The following UQCRC2 variants were observed in gnomAD, a reference collection of about 807,000 sequenced individuals.
UQCRC2 encodes the protein cytochrome b-c1 complex subunit 2, mitochondrial.
Under a neutral mutation model 55.6 loss-of-function variants are expected in UQCRC2, and 49 were observed. The ratio of observed to expected loss-of-function variants is 0.88; its 90% CI spans 0.70 to 1.12. UQCRC2 has a LOEUF of 1.12. Among genes scored for constraint, UQCRC2 ranks in the 50% most tolerant of loss-of-function variants. The probability of loss-of-function intolerance (pLI) is 0.00; values close to 1 mark genes in which losing one functional copy is unlikely to be tolerated. For synonymous variants in UQCRC2, 193 were observed against 192.0 expected (o/e 1.01, Z -0.04); for missense variants, 506 against 547.8 (o/e 0.92, Z 0.76).
intron 11 of UQCRC2, among the ~76,000 whole-genome samples, 197 bp downstream of exon 11, chr16:21,974,173 G>A (rs140058346): frequency 2.0e-5 from 3 of 152,316 alleles, no homozygotes; most frequent in East Asian, 3.9e-4. Flanking sequence ...CAGGAAAGAG[G>A]AGAGAATTGC....
chr16:21,955,903 G>C lies in UQCRC2; in HGVS notation c.34-1332G>C, dbSNP rs377064478. ...TGCAATGGCACAATCTCGGCTCACT[G>C]CAACCTCCGCCTCCCGGATTCAAGT... is the stretch of plus-strand genomic sequence containing the variant. On this transcript the variant is annotated intron_variant, in intron 1 of 13. Transcript: ENST00000268379. Among the ~76,000 whole-genome samples the C allele has an allele frequency of 2.0e-3, 299 of 152,118 alleles. 1 individual carries two copies. The highest frequency in any genetic ancestry group is 6.8e-3 in the Middle Eastern group (2 of 294).
chr16:21,972,078 C>T lies in UQCRC2; in HGVS notation c.922C>T (p.His308Tyr). The change falls in exon 10 of 14, where the codon CAT becomes TAT. Residue 308 changes from histidine to tyrosine, a missense_variant. Coordinates refer to ENST00000268379, the MANE Select transcript of UQCRC2 (RefSeq NM_003366.4). ...CAAGAGGGGCAGCAACACCACCAGC[C>T]ATCTGCACCAGGCTGTTGCCAAGGC... ...HVKRGSNTTS[H>Y]LHQAVAKATQ... 6.2e-7 allele frequency: 1 copy of T among 1,614,020 alleles called. No individual in the cohort carries two copies. Among genetic ancestry groups the T allele is most frequent in the Non-Finnish European group, 8.5e-7 (1 of 1,179,956 alleles).
Position 21,957,415 on chromosome 16 carries a change from A to T in UQCRC2, c.118-2A>T. ...TATATCTCTACTTTATTTTAAATAC[A>T]GTTTACCAAGTTACCAAATGGCTTG... On this transcript the variant is annotated splice_acceptor_variant, in intron 2 of 13. Transcript: ENST00000268379. LOFTEE classifies it high-confidence loss of function. The T allele has an allele frequency of 1.2e-6, 2 of 1,614,048 alleles. No individual in the cohort carries two copies. Among genetic ancestry groups the T allele is most frequent in the Non-Finnish European group, 1.7e-6 (2 of 1,179,994 alleles).
chr16:21,972,063 A>G lies in UQCRC2; in HGVS notation c.907A>G (p.Ser303Gly), dbSNP rs768119386. The change falls in exon 10 of 14, where the codon AGC (serine) becomes GGC (glycine). Residue 303 changes from serine to glycine, a missense_variant. Ser to Gly is a moderately conservative substitution (Grantham distance 56). Coordinates refer to ENST00000268379, the MANE Select transcript of UQCRC2 (RefSeq NM_003366.4). ...TGCTGGGCCACATGTCAAGAGGGGC[A>G]GCAACACCACCAGCCATCTGCACCA... is the stretch of plus-strand genomic sequence containing the variant. Reference protein sequence around the residue: ...LGAGPHVKRGSNTTSHLHQAV... With the variant: ...LGAGPHVKRGGNTTSHLHQAV... 6.2e-7 allele frequency: 1 copy of G among 1,614,160 alleles called. No individual in the cohort carries two copies. Among genetic ancestry groups the G allele is most frequent in the Non-Finnish European group, 8.5e-7 (1 of 1,180,016 alleles).
intron 11 of UQCRC2, among the ~76,000 whole-genome samples, chr16:21,974,969 T>A (rs1321799967): frequency 6.6e-6 from 1 of 152,150 alleles, no homozygotes; most frequent in African/African-American, 2.4e-5. Flanking sequence ...AGACAAATAG[T>A]GAGGTACACA....
Position 21,968,639 on chromosome 16 carries a change from C to T in UQCRC2, c.624C>T (p.Phe208=), listed in dbSNP as rs761780092. ...GKVTSEELHY[F]VQNHFTSARM... is the part of the protein sequence containing the mutation. ...TTTAACTTCCTCAGTTACATTACTT[C>T]GTTCAGAACCATTTCACAAGTGCAA... is the stretch of plus-strand genomic sequence containing the variant. Residue 208 remains phenylalanine, a synonymous_variant, in exon 8 of 14, where the codon TTC becomes TTT. Coordinates refer to ENST00000268379, the MANE Select transcript of UQCRC2 (RefSeq NM_003366.4). The T allele has an allele frequency of 2.3e-5, 37 of 1,606,452 alleles. No homozygotes were observed. The highest frequency in any genetic ancestry group is 2.3e-4 in the African/African-American group (17 of 74,548).
At chr16:21,974,798 C>T (rs1004750915) in intron 11 of UQCRC2, among the ~76,000 whole-genome samples, 23 of 152,172 alleles carry the variant, frequency 1.5e-4, no homozygotes, top group African/African-American at 5.5e-4. Flanking sequence ...GAAAGGAATA[C>T]TTGGGATCCA....
intron 6 of UQCRC2, chr16:21,963,097 T>A (rs1898243974): frequency 4.7e-6 from 2 of 427,270 alleles, no homozygotes; most frequent in Admixed American, 3.9e-5. Flanking sequence ...CAAGCAATTC[T>A]CCTGCCTCAG....
chr16:21,977,493 T>C (rs1898614399), intron 12 of UQCRC2, among the ~76,000 whole-genome samples: 1 of 152,154 alleles, frequency 6.6e-6, no homozygotes, highest in South Asian at 2.1e-4. Flanking sequence ...AAAGATCTGA[T>C]TTTGTTTTGT....
intron 12 of UQCRC2, among the ~76,000 whole-genome samples, chr16:21,977,381 C>G (rs910751687): frequency 2.6e-5 from 4 of 151,942 alleles, no homozygotes; most frequent in Admixed American, 2.6e-4. Context: ...ATTTCTAAGT[C>G]ACAAATCTAA....
In UQCRC2 at chr16:21,953,394, AGTGACC is replaced by A. The variant is rs1567466118; in HGVS notation, c.-26_-21del. 6.2e-7 allele frequency: 1 copy of A among 1,611,698 alleles called. No homozygotes were observed. Among genetic ancestry groups the A allele is most frequent in the Non-Finnish European group, 8.5e-7 (1 of 1,179,136 alleles). ...CCATCTTGCTTTCCTTTAATCCGGC[AGTGACC>A]GTGTGTCAGAACAATCTTGAATCAT... On this transcript the variant is annotated 5_prime_UTR_variant, in exon 1 of 14. Coordinates refer to ENST00000268379, the MANE Select transcript of UQCRC2 (RefSeq NM_003366.4).
At chr16:21,965,293 CAT>C (rs1898298728) in intron 6 of UQCRC2, 113 bp from the exon 7 acceptor site, 1 of 844,138 alleles carries the variant, frequency 1.2e-6, no homozygotes, top group Admixed American at 2.1e-5. Flanking sequence ...GTCCTCTTAA[CAT>C]ATGAATGCCA....
intron 4 of UQCRC2, among the ~76,000 whole-genome samples, chr16:21,958,955 C>A (rs1317953675): frequency 2.6e-5 from 4 of 152,154 alleles, no homozygotes; most frequent in Non-Finnish European, 5.9e-5. Context: ...ACTAAGTGTA[C>A]AATGACATTT....
chr16:21,980,881 C>T (rs1311885960), intron 13 of UQCRC2, among the ~76,000 whole-genome samples, 181 bp downstream of exon 13: 1 of 152,042 alleles, frequency 6.6e-6, no homozygotes, highest in African/African-American at 2.4e-5. Context: ...CCTGTCAGCT[C>T]GAGTATATGT....
rs889555047 is a variant in UQCRC2 at position 21,962,653 on chromosome 16, T to C, written c.390-108T>C. 5 of 1,592,412 alleles carry C rather than the reference T, an allele frequency of 3.1e-6. No individual in the cohort carries two copies. The Admixed American group carries it at 8.4e-5, about 27-fold the overall frequency. On this transcript the variant is annotated intron_variant, in intron 5 of 13. Transcript: ENST00000268379. ...TTCATAAACTGCTCAAAAACACTGC[T>C]TACCACAAGACCTAAAGTTTCACAT...
At chr16:21,982,911 C>T (rs985758112) in intron 13 of UQCRC2, among the ~76,000 whole-genome samples, 177 bp from the exon 14 acceptor site, 5 of 149,656 alleles carry the variant, frequency 3.3e-5, no homozygotes, top group African/African-American at 9.9e-5. Flanking sequence ...CTGCAGTGAG[C>T]CAAGATCGCA....
chr16:21,975,864 G>T (rs531008764), intron 11 of UQCRC2, among the ~76,000 whole-genome samples: 11 of 152,192 alleles, frequency 7.2e-5, no homozygotes, highest in Non-Finnish European at 1.3e-4. Flanking sequence ...GTTAAGGTGG[G>T]AGGATCACTT....
intron 3 of UQCRC2, 105 bp downstream of exon 3, chr16:21,957,671 G>A (rs969233307): frequency 6.1e-5 from 90 of 1,473,728 alleles, no homozygotes; most frequent in Non-Finnish European, 8.1e-5. Flanking sequence ...TCCTTGACCT[G>A]CCATAACAAA....
chr16:21,968,669 G>A lies in UQCRC2; in HGVS notation c.654G>A (p.Met218Ile), dbSNP rs1232491213. 1.2e-6 allele frequency: 2 copies of A among 1,609,482 alleles called. No homozygotes were observed. The highest frequency in any genetic ancestry group is 3.4e-5 in the Admixed American group (2 of 59,442). ...AGAACCATTTCACAAGTGCAAGAATGGCTTTGATTGGACTTGGTAAGTTTA... is the reference window on the plus strand; with the variant it reads ...AGAACCATTTCACAAGTGCAAGAATAGCTTTGATTGGACTTGGTAAGTTTA... ...FVQNHFTSAR[M>I]ALIGLGVSHP... Residue 218 changes from methionine to isoleucine, a missense_variant, in exon 8 of 14, where the codon ATG becomes ATA. Coordinates refer to ENST00000268379, the MANE Select transcript of UQCRC2 (RefSeq NM_003366.4).
Sources: gnomAD v4.1 joint callset for allele counts (sites outside exome capture counted in the v4.1 genomes callset) on GRCh38, gnomAD v4.1.1 for gene constraint, MANE v1.5 for transcripts, NCBI Gene and HGNC (gene_info 2026-07-23, HGNC 2026-07-21) for gene names.